The following RPH3AL variants were observed in gnomAD, a reference collection of about 807,000 sequenced individuals.
The protein encoded by RPH3AL is rab effector Noc2.
RPH3AL carries 38 observed loss-of-function variants against 43.1 expected under a neutral mutation model. The observed-to-expected ratio is 0.88, with a 90% CI of 0.68 to 1.15. RPH3AL has a LOEUF of 1.15. Among genes scored for constraint, RPH3AL ranks in the 50% most tolerant of loss-of-function variants. The pLI is 0.00. For synonymous variants in RPH3AL, 189 were observed against 176.3 expected (o/e 1.07, Z -0.57); for missense variants, 462 against 423.2 (o/e 1.09, Z -0.81).
chr17:327,451 C>T lies in RPH3AL; in HGVS notation c.77+16G>A, dbSNP rs762133273. On this transcript the variant is annotated intron_variant, in intron 3 of 9. Transcript: ENST00000331302. ...CAGAAGGAAGGGACGGCCTGGGGGG[C>T]CCCAGAGGTACTCACTTGGCTCGAA... The T allele has an allele frequency of 6.2e-7, 1 of 1,612,082 alleles. No homozygotes were observed. The highest frequency in any genetic ancestry group is 8.5e-7 in the Non-Finnish European group (1 of 1,178,422).
At position 245,954 on chromosome 17, in the gene RPH3AL, G is replaced by A. The variant is rs1158744674; in HGVS notation, c.613+1157C>T. Among the ~76,000 whole-genome samples, 1 of 152,168 alleles carries A rather than the reference G, an allele frequency of 6.6e-6. No individual in the cohort carries two copies. The highest frequency in any genetic ancestry group is 1.5e-5 in the Non-Finnish European group (1 of 68,022). On this transcript the variant is annotated intron_variant, in intron 7 of 9. Transcript: ENST00000331302. This position sits in a 1 kb window ranked among gnomAD's most constrained non-coding sequence, Gnocchi z 5.9. The stretch of plus-strand genomic sequence containing the variant: ...ACGCAGCATCCGGTAGGACCAGCGA[G>A]GAGAGGCTGCTATGAGGGAGTCGGG...
chr17:334,745 ACGCCTTCCCC>A, intron 1 of RPH3AL, among the ~76,000 whole-genome samples: 6 of 79,810 alleles, frequency 7.5e-5, no homozygotes, highest in African/African-American at 2.2e-4. Flanking sequence ...CCTTCTCCCC[ACGCCTTCCCC>A]CAGGGCCAGC....
chr17:334,959 C>T (rs902113156), intron 1 of RPH3AL, among the ~76,000 whole-genome samples: 1 of 152,238 alleles, frequency 6.6e-6, no homozygotes, highest in Non-Finnish European at 1.5e-5. Context: ...CCACCTTACA[C>T]CCTGGCATTT....
chr17:285,640 C>T (rs567304244), intron 5 of RPH3AL, among the ~76,000 whole-genome samples: 17 of 152,322 alleles, frequency 1.1e-4, no homozygotes, highest in African/African-American at 4.1e-4. Flanking sequence ...GACCCCATTT[C>T]AGGTACTCCG....
chr17:269,085 A>T (rs887657495), intron 6 of RPH3AL, among the ~76,000 whole-genome samples: 2 of 152,090 alleles, frequency 1.3e-5, no homozygotes, highest in Non-Finnish European at 2.9e-5. Context: ...TCACCGTGTT[A>T]GCCAGGATGG....
chr17:314,219 G>C (rs929197264), intron 5 of RPH3AL, among the ~76,000 whole-genome samples: 4 of 152,130 alleles, frequency 2.6e-5, no homozygotes, highest in Admixed American at 2.0e-4. Context: ...GCCTCTTCAT[G>C]GTCCCCTATA....
intron 6 of RPH3AL, among the ~76,000 whole-genome samples, chr17:276,729 C>A (rs1411051929): frequency 6.6e-6 from 1 of 152,166 alleles, no homozygotes; most frequent in East Asian, 1.9e-4. Flanking sequence ...TTTTAAAAAA[C>A]ACATTATCAT....
chr17:345,107 A>AACACACACACACACACACACAC (rs548169665), intron 1 of RPH3AL, among the ~76,000 whole-genome samples: 2 of 134,168 alleles, frequency 1.5e-5, no homozygotes, highest in South Asian at 2.4e-4. Flanking sequence ...TGTCTCTGAA[A>AACACACACACACACACACACAC]ACACACACAC....
At chr17:314,375 T>A (rs1411588066) in intron 5 of RPH3AL, among the ~76,000 whole-genome samples, 1 of 152,040 alleles carries the variant, frequency 6.6e-6, no homozygotes, top group Non-Finnish European at 1.5e-5. Context: ...ACTGCCCGAG[T>A]CCTGCAAGTT....
intron 7 of RPH3AL, among the ~76,000 whole-genome samples, chr17:236,457 C>T (rs115656446): frequency 0.018 from 2,683 of 152,148 alleles, 72 homozygotes; most frequent in African/African-American, 0.06. Context: ...ACACTGGCCA[C>T]GCCATCCGTT....
At chr17:308,070 C>G (rs180972194) in intron 5 of RPH3AL, among the ~76,000 whole-genome samples, 3 of 152,340 alleles carry the variant, frequency 2.0e-5, no homozygotes, top group Admixed American at 2.0e-4. Flanking sequence ...AAGCTTCAGT[C>G]GCTGAATGAA....
chr17:280,521 C>G (rs919417308), intron 6 of RPH3AL, among the ~76,000 whole-genome samples: 2 of 152,078 alleles, frequency 1.3e-5, no homozygotes, highest in East Asian at 3.9e-4. Flanking sequence ...CCAGACCCAG[C>G]GGGAGGCAGC....
intron 6 of RPH3AL, 112 bp downstream of exon 6, chr17:281,656 C>T (rs541515110): frequency 1.8e-5 from 12 of 649,280 alleles, no homozygotes; most frequent in African/African-American, 1.7e-4. Context: ...CATCTGAGAG[C>T]GTATCCAGCC....
intron 6 of RPH3AL, among the ~76,000 whole-genome samples, chr17:250,302 C>G (rs1437963937): frequency 8.6e-6 from 1 of 116,216 alleles, no homozygotes; most frequent in Non-Finnish European, 1.9e-5. Flanking sequence ...TCCGTTGCTG[C>G]GGGACCTCTC....
chr17:332,104 G>A (rs1172630505), intron 2 of RPH3AL: 1 of 355,258 alleles, frequency 2.8e-6, no homozygotes, highest in African/African-American at 2.1e-5. Context: ...AGACGGAGGA[G>A]ATTTTGTGGA....
chr17:346,679 C>T (rs2045243016), intron 1 of RPH3AL, among the ~76,000 whole-genome samples: 1 of 135,064 alleles, frequency 7.4e-6, no homozygotes, highest in African/African-American at 2.5e-5. Flanking sequence ...CGCACATAAT[C>T]TTTTTTCCTT....
rs1013422939 is a variant in RPH3AL at position 246,303 on chromosome 17, C to T, written c.613+808G>A. On this transcript the variant is annotated intron_variant, in intron 7 of 9. Transcript: ENST00000331302. This position sits in a 1 kb window ranked among gnomAD's most constrained non-coding sequence, Gnocchi z 4.8. ...CTCACCCCTCTGCCTGCCGTCTCATCTAAGACCCTCAGACCCTGAGTATTT... is the reference window on the plus strand; with the variant it reads ...CTCACCCCTCTGCCTGCCGTCTCATTTAAGACCCTCAGACCCTGAGTATTT... 9.2e-5 allele frequency among the ~76,000 whole-genome samples: 14 copies of T among 152,088 alleles called. No homozygotes were observed. The highest frequency in any genetic ancestry group is 3.1e-4 in the African/African-American group (13 of 41,388).
rs551830779 is a variant in RPH3AL at position 323,809 on chromosome 17, C to A, written c.78-2394G>T. ...ACAGTCACCCCGAGGCAGGCCCGGA[C>A]CCTCCATCACCCCGCGAGACAGTCC... is the stretch of plus-strand genomic sequence containing the variant. On this transcript the variant is annotated intron_variant, in intron 3 of 9. Transcript: ENST00000331302. This position sits in a 1 kb window ranked among gnomAD's most constrained non-coding sequence, Gnocchi z 4.4. Among the ~76,000 whole-genome samples, 1 of 152,070 alleles carries A rather than the reference C, an allele frequency of 6.6e-6. No individual in the cohort carries two copies. The highest frequency in any genetic ancestry group is 2.1e-4 in the South Asian group (1 of 4,810).
In RPH3AL at chr17:283,400, G is replaced by A. The variant is rs902047208; in HGVS notation, c.352-1546C>T. Among the ~76,000 whole-genome samples, 2 of 152,092 alleles carry A rather than the reference G, an allele frequency of 1.3e-5. No individual in the cohort carries two copies. The highest frequency in any genetic ancestry group is 6.5e-5 in the Admixed American group (1 of 15,272). ...GCTATGATACATTCCTGCGGGGGAC[G>A]GATTTGCTACCATCCAATGCTCAGG... On this transcript the variant is annotated intron_variant, in intron 5 of 9. Coordinates refer to ENST00000331302, the MANE Select transcript of RPH3AL (RefSeq NM_006987.4). This position sits in a 1 kb window ranked among gnomAD's most constrained non-coding sequence, Gnocchi z 4.2.
Sources: gnomAD v4.1 joint callset for allele counts (sites outside exome capture counted in the v4.1 genomes callset) on GRCh38, gnomAD v4.1.1 for gene constraint, Gnocchi (gnomAD v3.1) non-coding constraint, MANE v1.5 for transcripts, NCBI Gene and HGNC (gene_info 2026-07-23, HGNC 2026-07-21) for gene names.